SPG7: variants seen among roughly 807,000 people sequenced by gnomAD.
SPG7 encodes SPG7 matrix AAA peptidase subunit, paraplegin.
Under a neutral mutation model 81.9 loss-of-function variants are expected in SPG7, and 103 were observed. The ratio of observed to expected loss-of-function variants is 1.26; its 90% CI spans 1.07 to 1.48. The LOEUF is 1.48. Ranked by LOEUF, SPG7 falls within the 40% of genes most tolerant of loss-of-function variation. The probability of loss-of-function intolerance (pLI) is 0.00; values close to 1 mark genes in which losing one functional copy is unlikely to be tolerated. For synonymous variants in SPG7, 534 were observed against 444.2 expected, an observed-to-expected ratio of 1.20 and a Z score of -2.54; for missense variants, 1,241 against 1,087.3, an observed-to-expected ratio of 1.14 and a Z score of -1.99.
intron 9 of SPG7, chr16:89,542,941 CTTTTTTTTTTTTT>C (rs60645680): frequency 2.4e-5 from 2 of 84,652 alleles, no homozygotes; most frequent in Admixed American, 1.5e-4. Context: ...AGATCCTGTT[CTTTTTTTTTTTTT>C]TTTTTTTTTT....
At chr16:89,553,513 C>A (rs1417237653) in intron 14 of SPG7, 1 of 542,806 alleles carries the variant, frequency 1.8e-6, no homozygotes, top group East Asian at 3.2e-5. Context: ...GTTTGCCTCG[C>A]ATAGGCCTGG....
intron 5 of SPG7, chr16:89,527,084 C>G (rs1045853683): frequency 2.3e-4 from 41 of 182,216 alleles, no homozygotes; most frequent in Admixed American, 2.0e-3. Flanking sequence ...GATAATAATA[C>G]CCAATACCCT....
intron 9 of SPG7, chr16:89,536,731 G>A (rs370406893): frequency 6.8e-6 from 11 of 1,612,482 alleles, no homozygotes; most frequent in Middle Eastern, 2.0e-4. Context: ...CAAGGTCTTC[G>A]TCCTGTGAGT....
At chr16:89,531,262 G>A (rs934847970) in intron 7 of SPG7, 6 of 295,816 alleles carry the variant, frequency 2.0e-5, no homozygotes, top group Admixed American at 1.3e-4. Context: ...AGTGGGTCAC[G>A]CCTGTAGTCC....
chr16:89,548,079 C>G lies in SPG7; in HGVS notation c.1629C>G (p.Leu543=). 1 of 1,609,620 alleles carries G rather than the reference C, an allele frequency of 6.2e-7. No homozygotes were observed. The highest frequency in any genetic ancestry group is 8.5e-7 in the Non-Finnish European group (1 of 1,179,914). The change falls in exon 12 of 17, where the codon CTC becomes CTG. Residue 543 remains leucine (L), a synonymous_variant. Transcript: ENST00000645818. ...AREGHTSVHT[L]NFEYAVERVL... The stretch of plus-strand genomic sequence containing the variant: ...AGGGACACACTTCCGTGCACACTCT[C>G]AACTTCGAGTACGCCGTGGAGCGCG...
intron 11 of SPG7, chr16:89,547,485 C>G (rs1467621592): frequency 1.0e-5 from 2 of 192,346 alleles, no homozygotes; most frequent in African/African-American, 4.8e-5. Flanking sequence ...ACCCCTGCTC[C>G]TGGCGCCGGC....
At chr16:89,514,976 G>T (rs563040199) in intron 3 of SPG7, among the ~76,000 whole-genome samples, 3 of 135,260 alleles carry the variant, frequency 2.2e-5, no homozygotes, top group South Asian at 2.3e-4. Context: ...TCGCTCTGTC[G>T]CCTGGGCTGG....
intron 6 of SPG7, chr16:89,530,462 CA>C (rs1417018234): frequency 1.6e-6 from 1 of 609,104 alleles, no homozygotes; most frequent in Non-Finnish European, 2.9e-6. Flanking sequence ...TTTTTTAAAG[CA>C]AATTGCTAGA....
chr16:89,554,614 A>G (rs1455761223), intron 16 of SPG7, 51 bp downstream of exon 16: 1 of 1,265,222 alleles, frequency 7.9e-7, no homozygotes, highest in Non-Finnish European at 1.1e-6. Flanking sequence ...GTGTCCACAC[A>G]GCACCCACGG....
intron 3 of SPG7, chr16:89,519,772 G>C (rs1300705266): frequency 6.6e-6 from 1 of 152,228 alleles, no homozygotes; most frequent in Non-Finnish European, 1.5e-5. Context: ...CCCTGCCCCG[G>C]AGGCCTCTCC....
intron 10 of SPG7, chr16:89,546,103 T>TG (rs1348531739): frequency 2.0e-4 from 58 of 294,486 alleles, no homozygotes; most frequent in Middle Eastern, 1.3e-3. Flanking sequence ...TTTTTTTTTT[T>TG]TTTGAGACAG....
rs1597664559 is a variant in SPG7 at position 89,553,438 on chromosome 16, A to G, written c.1936+303A>G. The G allele has an allele frequency of 7.6e-6, 4 of 524,434 alleles. No individual in the cohort carries two copies. In the East Asian group the frequency reaches 1.4e-4, roughly 18 times the overall value. The allele number at this position is 524,434 out of a possible 1,614,324, so 32.5% of individuals were successfully genotyped here. On this transcript the variant is annotated intron_variant, in intron 14 of 16. Transcript: ENST00000645818. The stretch of plus-strand genomic sequence containing the variant: ...GCGGCTTCATTGTTCTGAAGCCATT[A>G]CTGCACTGGGATATCCAGAGAGCTG...
intron 10 of SPG7, 125 bp downstream of exon 10, chr16:89,544,897 A>G: frequency 8.0e-7 from 1 of 1,251,896 alleles, no homozygotes; most frequent in South Asian, 1.2e-5. Flanking sequence ...AGGTGCTGGC[A>G]GTGTCCAGCG....
In SPG7 at chr16:89,510,316, G is replaced by T. The variant is rs1458533857; in HGVS notation, c.184-174G>T. ...CCTGTTTACTTGCTTTTGACATTTT[G>T]ATGTTACCTAAAGCTTTGACCTATT... On this transcript the variant is annotated intron_variant, in intron 1 of 16. Transcript: ENST00000645818. Among the ~76,000 whole-genome samples, 3 of 152,102 alleles carry T rather than the reference G, an allele frequency of 2.0e-5. No individual in the cohort carries two copies. In the South Asian group the frequency reaches 6.2e-4, roughly 32 times the overall value.
intron 16 of SPG7, chr16:89,554,935 A>G: frequency 3.7e-6 from 1 of 271,842 alleles, no homozygotes; most frequent in Non-Finnish European, 7.2e-6. Flanking sequence ...TTTTTTTTTG[A>G]GACAAAGTCT....
chr16:89,543,904 C>G (rs1001621064), intron 9 of SPG7: 1 of 152,798 alleles, frequency 6.5e-6, no homozygotes. Flanking sequence ...GCCTCGGCCT[C>G]CCAAAGTTCT....
intron 1 of SPG7, among the ~76,000 whole-genome samples, chr16:89,509,458 C>T (rs1439970363): frequency 6.6e-6 from 1 of 152,148 alleles, no homozygotes; most frequent in Non-Finnish European, 1.5e-5. Context: ...ACCATGTTGG[C>T]CAGGATGGTC....
At position 89,532,456 on chromosome 16, in the gene SPG7, C is replaced by T. The variant is rs758706211; in HGVS notation, c.1151-7C>T. 1 of 1,613,122 alleles carries T rather than the reference C, an allele frequency of 6.2e-7. No homozygotes were observed. Among genetic ancestry groups the T allele is most frequent in the Non-Finnish European group, 8.5e-7 (1 of 1,179,998 alleles). The stretch of plus-strand genomic sequence containing the variant: ...CCCATTTCCTGATTCTCTCTGTGTC[C>T]CCTCAGGCCTCGGCGCTGCCCGTGT... On this transcript the variant is annotated splice_polypyrimidine_tract_variant and splice_region_variant and intron_variant, in intron 8 of 16. Coordinates refer to ENST00000645818, the MANE Select transcript of SPG7 (RefSeq NM_003119.4).
intron 7 of SPG7, 112 bp downstream of exon 7, chr16:89,530,920 C>A: frequency 1.4e-6 from 2 of 1,450,068 alleles, no homozygotes; most frequent in African/African-American, 1.4e-5. Flanking sequence ...CGTGGGTTGG[C>A]GGTGACCTCT....
Sources: allele counts gnomAD v4.1 joint callset (sites outside exome capture counted in the v4.1 genomes callset), GRCh38; gene constraint gnomAD v4.1.1; transcripts MANE v1.5; gene names NCBI Gene and HGNC (gene_info 2026-07-23, HGNC 2026-07-21).